ZNF385B: variants seen among roughly 807,000 people sequenced by gnomAD.
ZNF385B encodes zinc finger protein 533.
A neutral mutation model predicts 39.2 loss-of-function variants in ZNF385B; 23 were observed. The ratio of observed to expected loss-of-function variants is 0.59; its 90% CI spans 0.42 to 0.83. The LOEUF is 0.83. Among genes scored for constraint, ZNF385B ranks in the 40% least tolerant of loss-of-function variants. The pLI is 0.00. For missense variants in ZNF385B, 552 were observed against 598.9 expected, an observed-to-expected ratio of 0.92 and a Z score of 0.82; for synonymous variants, 205 against 222.6, an observed-to-expected ratio of 0.92 and a Z score of 0.70.
At chr2:179,745,558 C>G (rs1218769570) in intron 3 of ZNF385B, among the ~76,000 whole-genome samples, 1 of 152,166 alleles carries the variant, frequency 6.6e-6, no homozygotes, top group African/African-American at 2.4e-5. Context: ...ATTAAAGAAT[C>G]ATATATTTTG....
intron 1 of ZNF385B, among the ~76,000 whole-genome samples, chr2:179,783,998 T>A (rs572831363): frequency 6.6e-6 from 1 of 152,270 alleles, no homozygotes; most frequent in Non-Finnish European, 1.5e-5. Flanking sequence ...ATATAAATCA[T>A]TCTGTCTTAA....
At chr2:179,787,289 C>A (rs535449745) in intron 1 of ZNF385B, among the ~76,000 whole-genome samples, 1 of 151,918 alleles carries the variant, frequency 6.6e-6, no homozygotes, top group South Asian at 2.1e-4. Context: ...CTGCCTTCAG[C>A]TTAGAAAAAT....
chr2:179,830,630 T>C (rs1035964362), intron 1 of ZNF385B, among the ~76,000 whole-genome samples: 3 of 152,228 alleles, frequency 2.0e-5, no homozygotes, highest in African/African-American at 7.2e-5. Flanking sequence ...CTATGCACTC[T>C]ATGATTCAAA....
intron 3 of ZNF385B, among the ~76,000 whole-genome samples, chr2:179,677,045 A>C (rs996369569): frequency 3.9e-5 from 6 of 152,230 alleles, no homozygotes; most frequent in Admixed American, 3.3e-4. Flanking sequence ...TTAAGTGACC[A>C]GTTGCAAATC....
At chr2:179,604,726 TG>T (rs1688665208) in intron 3 of ZNF385B, among the ~76,000 whole-genome samples, 1 of 152,070 alleles carries the variant, frequency 6.6e-6, no homozygotes, top group African/African-American at 2.4e-5. Context: ...AGGCTGTTTT[TG>T]AGCAAACTTT....
rs144088730 is a variant in ZNF385B, at chr2:179,771,014, C to CA, written c.-154-343dup. ...TTCGAATAAATAAAAAGACACTTCC[C>CA]AAAAAGAAAGGGGAGGGGAATTTGG... On this transcript the variant is annotated intron_variant, in intron 1 of 9. Transcript: ENST00000410066. Among the ~76,000 whole-genome samples, 564 of 151,864 alleles carry CA rather than the reference C, an allele frequency of 3.7e-3. 5 individuals carry two copies. Among genetic ancestry groups the CA allele is most frequent in the African/African-American group, 0.013 (534 of 41,386 alleles).
At chr2:179,572,117 G>A (rs184667331) in intron 3 of ZNF385B, among the ~76,000 whole-genome samples, 4 of 152,032 alleles carry the variant, frequency 2.6e-5, no homozygotes, top group African/African-American at 9.7e-5. Flanking sequence ...CAGGACAGGA[G>A]GTGGGCCAGG....
At chr2:179,856,883 T>C (rs757916606) in intron 1 of ZNF385B, among the ~76,000 whole-genome samples, 12 of 152,100 alleles carry the variant, frequency 7.9e-5, no homozygotes, top group Admixed American at 1.3e-4. Context: ...AAAATAATAT[T>C]GAAGCAAAAA....
At chr2:179,493,797 ATATG>A in intron 5 of ZNF385B, among the ~76,000 whole-genome samples, 1 of 110,858 alleles carries the variant, frequency 9.0e-6, no homozygotes, top group Non-Finnish European at 2.0e-5. Flanking sequence ...ATGTATACAT[ATATG>A]TATATATACA....
intron 1 of ZNF385B, among the ~76,000 whole-genome samples, chr2:179,847,025 A>G (rs1222698175): frequency 6.6e-6 from 1 of 152,260 alleles, no homozygotes; most frequent in African/African-American, 2.4e-5. Context: ...TGCAGGTGAA[A>G]GCATTCTTAA....
chr2:179,705,862 T>C (rs1380895306), intron 3 of ZNF385B, among the ~76,000 whole-genome samples: 1 of 152,218 alleles, frequency 6.6e-6, no homozygotes, highest in Admixed American at 6.5e-5. Flanking sequence ...TGTACATACA[T>C]AAGCAGTGAG....
At chr2:179,838,532 C>T (rs1559239718) in intron 1 of ZNF385B, among the ~76,000 whole-genome samples, 1 of 152,166 alleles carries the variant, frequency 6.6e-6, no homozygotes, top group African/African-American at 2.4e-5. Flanking sequence ...ATCATTGTTA[C>T]AATACATACA....
In ZNF385B at chr2:179,574,456, T is replaced by C. The variant is rs561066646; in HGVS notation, c.299-29487A>G. Among the ~76,000 whole-genome samples the C allele has an allele frequency of 3.3e-5, 5 of 152,292 alleles. No homozygotes were observed. The East Asian group carries it at 9.7e-4, about 29-fold the overall frequency. ...TCCCTGTTTGGCTCTGAGCAAGATA[T>C]TTATCTGCTTTATCCTGAATAAGGA... On this transcript the variant is annotated intron_variant, in intron 3 of 9. Transcript: ENST00000410066.
chr2:179,795,591 A>G (rs1383978635), intron 1 of ZNF385B, among the ~76,000 whole-genome samples: 1 of 151,972 alleles, frequency 6.6e-6, no homozygotes, highest in East Asian at 1.9e-4. Flanking sequence ...AGATATATCT[A>G]AAGATCTAGA....
intron 1 of ZNF385B, among the ~76,000 whole-genome samples, chr2:179,825,266 C>T (rs1220982152): frequency 6.6e-6 from 1 of 151,232 alleles, no homozygotes; most frequent in Non-Finnish European, 1.5e-5. Context: ...GAATCCTAAT[C>T]CCCCATTTAC....
chr2:179,477,924 C>T (rs113879117), intron 6 of ZNF385B, among the ~76,000 whole-genome samples: 23 of 152,240 alleles, frequency 1.5e-4, no homozygotes, highest in African/African-American at 3.9e-4. Flanking sequence ...TATACCAAAA[C>T]GGTCAGCAAG....
At position 179,627,562 on chromosome 2, in the gene ZNF385B, A is replaced by T. The variant is rs1202617476; in HGVS notation, c.299-82593T>A. On this transcript the variant is annotated intron_variant, in intron 3 of 9. Coordinates refer to ENST00000410066, the MANE Select transcript of ZNF385B (RefSeq NM_152520.6). ...TTCCAGAAACTAATGCTTATCTGTCATCTCTCCAGATGTGGGCTGGAGCTG... is the reference window on the plus strand; with the variant it reads ...TTCCAGAAACTAATGCTTATCTGTCTTCTCTCCAGATGTGGGCTGGAGCTG... Among the ~76,000 whole-genome samples the T allele has an allele frequency of 5.3e-5, 8 of 152,198 alleles. No individual in the cohort carries two copies. In the East Asian group the frequency reaches 1.5e-3, roughly 29 times the overall value.
chr2:179,700,543 AAGAAC>A (rs1699112936), intron 3 of ZNF385B, among the ~76,000 whole-genome samples: 1 of 152,158 alleles, frequency 6.6e-6, no homozygotes, highest in African/African-American at 2.4e-5. Context: ...TCTTTACCTA[AAGAAC>A]CTGGAGACAC....
At chr2:179,847,684 GA>G (rs1708868555) in intron 1 of ZNF385B, among the ~76,000 whole-genome samples, 1 of 152,286 alleles carries the variant, frequency 6.6e-6, no homozygotes. Flanking sequence ...AACCAGAGGA[GA>G]GGGAGAGAAG....
Sources: gnomAD v4.1 joint callset for allele counts (sites outside exome capture counted in the v4.1 genomes callset) on GRCh38, gnomAD v4.1.1 for gene constraint, MANE v1.5 for transcripts, NCBI Gene and HGNC (gene_info 2026-07-23, HGNC 2026-07-21) for gene names.